Variants in ECT2 observed in about 807,000 individuals in gnomAD.
ECT2 encodes epithelial cell transforming 2.
A neutral mutation model predicts 116.9 loss-of-function variants in ECT2; 61 were observed. That is an observed-to-expected ratio of 0.52 (90% CI 0.42 to 0.65). The LOEUF (loss-of-function observed/expected upper bound fraction) is 0.65. Ranked by LOEUF, ECT2 falls within the 30% of genes least tolerant of loss-of-function variation. ECT2 has a pLI of 0.00. For synonymous variants in ECT2, 358 were observed against 346.4 expected, an observed-to-expected ratio of 1.03 and a Z score of -0.37; for missense variants, 937 against 1,078.7, an observed-to-expected ratio of 0.87 and a Z score of 1.84.
chr3:172,753,893 G>A (rs1477908677), intron 1 of ECT2, among the ~76,000 whole-genome samples: 1 of 152,170 alleles, frequency 6.6e-6, no homozygotes, highest in Non-Finnish European at 1.5e-5. Flanking sequence ...AAGCAGGGAA[G>A]TGATATGGTC....
intron 24 of ECT2, chr3:172,818,799 C>A: frequency 8.0e-7 from 1 of 1,242,292 alleles, no homozygotes; most frequent in South Asian, 1.4e-5. Context: ...TGGAAACAAG[C>A]CTCATGAAGT....
chr3:172,755,694 A>G (rs1403088), intron 4 of ECT2, 119 bp downstream of exon 4: 238,773 of 443,232 alleles, frequency 0.54, 68,791 homozygotes, highest in East Asian at 0.68. Flanking sequence ...AGCTTAATGA[A>G]TAGAAACTGT....
chr3:172,757,814 C>A (rs1190530574), intron 5 of ECT2, among the ~76,000 whole-genome samples: 4 of 152,118 alleles, frequency 2.6e-5, no homozygotes, highest in African/African-American at 7.2e-5. Context: ...TTTCTCAACA[C>A]AGAACAGATA....
Position 172,802,999 on chromosome 3 carries a change from T to C in ECT2, c.2106+19T>C, listed in dbSNP as rs1354766295. 1 of 1,601,508 alleles carries C rather than the reference T, an allele frequency of 6.2e-7. No individual in the cohort carries two copies. Among genetic ancestry groups the C allele is most frequent in the Admixed American group, 1.7e-5 (1 of 57,628 alleles). On this transcript the variant is annotated intron_variant, in intron 20 of 24. Coordinates refer to ENST00000392692, the MANE Select transcript of ECT2 (RefSeq NM_001258315.2). The stretch of plus-strand genomic sequence containing the variant: ...CCTAGAGGTAAAGATGTACTTCACA[T>C]AGTATAATAACACTACTGATTTTTG...
chr3:172,797,114 C>T (rs893815085), intron 18 of ECT2, among the ~76,000 whole-genome samples: 3 of 150,856 alleles, frequency 2.0e-5, no homozygotes, highest in African/African-American at 7.3e-5. Flanking sequence ...ACTGCAACCT[C>T]CACTTCCCAG....
At chr3:172,765,856 C>A (rs1719274975) in intron 12 of ECT2, among the ~76,000 whole-genome samples, 1 of 152,088 alleles carries the variant, frequency 6.6e-6, no homozygotes. Flanking sequence ...TGTTATTCTT[C>A]AAATATTTTT....
chr3:172,753,157 T>C (rs1458061497), intron 1 of ECT2, among the ~76,000 whole-genome samples: 1 of 152,144 alleles, frequency 6.6e-6, no homozygotes, highest in Non-Finnish European at 1.5e-5. Context: ...TGGAGTGCAG[T>C]GGTGGGATCA....
chr3:172,780,128 T>C (rs1174885736), intron 14 of ECT2, among the ~76,000 whole-genome samples: 1 of 152,138 alleles, frequency 6.6e-6, no homozygotes, highest in Non-Finnish European at 1.5e-5. Flanking sequence ...TAATATGTTA[T>C]ACATTGATAC....
chr3:172,805,084 A>G (rs1042877237), intron 20 of ECT2, among the ~76,000 whole-genome samples: 10 of 152,110 alleles, frequency 6.6e-5, no homozygotes, highest in African/African-American at 1.9e-4. Context: ...TAAATTGGCA[A>G]TGGAAATTAT....
chr3:172,767,241 G>A (rs1480760918), intron 12 of ECT2, among the ~76,000 whole-genome samples: 1 of 152,198 alleles, frequency 6.6e-6, no homozygotes, highest in Non-Finnish European at 1.5e-5. Flanking sequence ...AGGAGTTCGA[G>A]ACCAGCCTGA....
chr3:172,826,716 C>T, the ECT2 span, among the ~76,000 whole-genome samples: 1 of 152,160 alleles, frequency 6.6e-6, no homozygotes, highest in African/African-American at 2.4e-5. Context: ...CCACTGCCTC[C>T]CAACCTTCAG....
At chr3:172,795,383 G>A (rs1307353125) in intron 18 of ECT2, among the ~76,000 whole-genome samples, 2 of 151,458 alleles carry the variant, frequency 1.3e-5, no homozygotes, top group Non-Finnish European at 2.9e-5. Flanking sequence ...CTTGGAATTA[G>A]TGGTTAGACA....
At chr3:172,788,513 T>C (rs983922190) in intron 18 of ECT2, among the ~76,000 whole-genome samples, 2 of 152,172 alleles carry the variant, frequency 1.3e-5, no homozygotes, top group Non-Finnish European at 2.9e-5. Flanking sequence ...GTAATCTCTT[T>C]TTCTGGCCCA....
chr3:172,800,500 G>A (rs1015542845), intron 18 of ECT2, among the ~76,000 whole-genome samples: 10 of 152,046 alleles, frequency 6.6e-5, no homozygotes, highest in African/African-American at 2.4e-4. Flanking sequence ...ATTATTTGAA[G>A]ACCACTTGGT....
intron 20 of ECT2, among the ~76,000 whole-genome samples, chr3:172,803,338 A>G (rs1014916287): frequency 1.3e-5 from 2 of 152,196 alleles, no homozygotes; most frequent in Admixed American, 6.6e-5. Context: ...ATTTTTTCCA[A>G]TAATGATGTG....
chr3:172,807,668 C>T, intron 21 of ECT2, 102 bp from the exon 22 acceptor site: 1 of 1,294,884 alleles, frequency 7.7e-7, no homozygotes, highest in African/African-American at 1.5e-5. Flanking sequence ...AGTGATAGTT[C>T]ATTTCATTGG....
At chr3:172,782,847 A>G (rs925316587) in intron 15 of ECT2, among the ~76,000 whole-genome samples, 3 of 150,862 alleles carry the variant, frequency 2.0e-5, no homozygotes, top group Non-Finnish European at 4.4e-5. Context: ...AGTTCCATCT[A>G]TGTTCCTGCA....
intron 22 of ECT2, among the ~76,000 whole-genome samples, chr3:172,813,420 A>G (rs1169817522): frequency 1.3e-5 from 2 of 152,086 alleles, no homozygotes; most frequent in African/African-American, 4.8e-5. Flanking sequence ...GTTCTGACAG[A>G]GTATAGGTTG....
chr3:172,818,487 A>G (rs1730148216), intron 24 of ECT2: 2 of 1,045,940 alleles, frequency 1.9e-6, no homozygotes, highest in Non-Finnish European at 2.4e-6. Flanking sequence ...TGTAAGAAGC[A>G]GCTAAAATAC....
Sources: allele counts gnomAD v4.1 joint callset (sites outside exome capture counted in the v4.1 genomes callset), GRCh38; gene constraint gnomAD v4.1.1; transcripts MANE v1.5; gene names NCBI Gene and HGNC (gene_info 2026-07-23, HGNC 2026-07-21).